SRGAP3: variants seen among roughly 807,000 people sequenced by gnomAD.
SRGAP3 encodes SLIT-ROBO Rho GTPase activating protein 3, also known as SLIT-ROBO Rho GTPase-activating protein 3.
SRGAP3 carries 39 observed loss-of-function variants against 121.1 expected under a neutral mutation model. The observed-to-expected ratio is 0.32, with a 90% CI of 0.25 to 0.42. The LOEUF is 0.42. SRGAP3 is among the 10% of genes least tolerant of loss of function. SRGAP3 has a pLI of 1.00. For missense variants in SRGAP3, 1,213 were observed against 1,470.6 expected, an observed-to-expected ratio of 0.82 and a Z score of 2.86; for synonymous variants, 601 against 570.0, an observed-to-expected ratio of 1.05 and a Z score of -0.77.
chr3:9,362,154 G>A (rs2030895482), intron 1 of SRGAP3, among the ~76,000 whole-genome samples: 1 of 144,996 alleles, frequency 6.9e-6, no homozygotes, highest in Non-Finnish European at 1.5e-5. Flanking sequence ...TACCATGCAG[G>A]TTCAACTCTT....
chr3:9,105,612 C>T (rs1447060304), intron 2 of SRGAP3, among the ~76,000 whole-genome samples: 2 of 152,176 alleles, frequency 1.3e-5, no homozygotes, highest in African/African-American at 4.8e-5. Flanking sequence ...GAGTCACACA[C>T]TCTGGGGGTG....
At chr3:9,348,882 A>G in intron 1 of SRGAP3, 1 of 1,145,640 alleles carries the variant, frequency 8.7e-7, no homozygotes, top group Non-Finnish European at 1.3e-6. Context: ...ACTGAAGATC[A>G]GCTACCCTCC....
chr3:9,232,385 T>C (rs1185349353), intron 1 of SRGAP3, among the ~76,000 whole-genome samples: 1 of 152,054 alleles, frequency 6.6e-6, no homozygotes. Flanking sequence ...TTCTTTCCCC[T>C]GTCCCCTGAC....
At chr3:9,247,584 C>G (rs767810971) in intron 1 of SRGAP3, among the ~76,000 whole-genome samples, 1 of 152,186 alleles carries the variant, frequency 6.6e-6, no homozygotes, top group Non-Finnish European at 1.5e-5. Context: ...TTTAAGGAGG[C>G]CACCCAGCTC....
chr3:9,143,464 T>C (rs748155412), intron 1 of SRGAP3, among the ~76,000 whole-genome samples: 4 of 152,252 alleles, frequency 2.6e-5, no homozygotes, highest in East Asian at 1.9e-4. Context: ...CTGATGTAGA[T>C]TGGCTTATCA....
chr3:9,305,124 G>A (rs1229889702), intron 3 of SRGAP3, among the ~76,000 whole-genome samples: 1 of 152,190 alleles, frequency 6.6e-6, no homozygotes, highest in Non-Finnish European at 1.5e-5. Context: ...GAAGGATAAA[G>A]GAGTGAGGGA....
intron 1 of SRGAP3, among the ~76,000 whole-genome samples, chr3:9,175,934 TC>T (rs1344122691): frequency 6.6e-6 from 1 of 152,144 alleles, no homozygotes. Flanking sequence ...ATTCTTTTTT[TC>T]TTTTGATATG....
At chr3:9,267,466 G>T (rs1954387998) in intron 3 of SRGAP3, among the ~76,000 whole-genome samples, 1 of 152,146 alleles carries the variant, frequency 6.6e-6, no homozygotes, top group Non-Finnish European at 1.5e-5. Flanking sequence ...ATGCCGTGGG[G>T]GCAGCTGGGG....
chr3:9,053,159 A>G lies in SRGAP3; in HGVS notation c.1191T>C (p.Asp397=). ...GACTGTGTTGGAAGGCATCGGAGAC[A>G]TCAAAGTCCTCCACAGTCAGCATGT... ...LQDMLTVEDF[D]VSDAFQHSRS... is the part of the protein sequence containing the mutation. Residue 397 remains aspartate, a synonymous_variant, in exon 9 of 22, where the codon GAT becomes GAC. Transcript: ENST00000383836. The G allele has an allele frequency of 1.2e-6, 2 of 1,614,206 alleles. No homozygotes were observed. Among genetic ancestry groups the G allele is most frequent in the Non-Finnish European group, 1.7e-6 (2 of 1,180,028 alleles).
intron 1 of SRGAP3, among the ~76,000 whole-genome samples, chr3:9,342,968 C>A (rs575089222): frequency 6.6e-6 from 1 of 152,220 alleles, no homozygotes; most frequent in Non-Finnish European, 1.5e-5. Context: ...CCAGACTAGC[C>A]CATTCTGGGC....
intron 18 of SRGAP3, among the ~76,000 whole-genome samples, chr3:8,999,560 C>T (rs998220545): frequency 1.3e-5 from 2 of 152,186 alleles, no homozygotes; most frequent in Admixed American, 1.3e-4. Flanking sequence ...CCTACTTCAT[C>T]CCCAGAAGTG....
intron 8 of SRGAP3, among the ~76,000 whole-genome samples, chr3:9,055,738 G>A (rs1030456557): frequency 5.9e-5 from 9 of 152,162 alleles, no homozygotes; most frequent in African/African-American, 2.2e-4. Flanking sequence ...TAAACAGAAA[G>A]CACCTATCAC....
At chr3:9,361,737 T>C (rs111731347) in intron 1 of SRGAP3, among the ~76,000 whole-genome samples, 87 of 152,296 alleles carry the variant, frequency 5.7e-4, no homozygotes, top group Middle Eastern at 6.8e-3. Context: ...AGCCTGATGC[T>C]GACCCTCCCA....
intron 1 of SRGAP3, among the ~76,000 whole-genome samples, chr3:9,236,523 C>T (rs1180211153): frequency 6.6e-6 from 1 of 152,096 alleles, no homozygotes; most frequent in Non-Finnish European, 1.5e-5. Context: ...TGGTGCTGTT[C>T]TCATGATGGT....
chr3:9,341,032 G>T (rs1350940960), intron 1 of SRGAP3, among the ~76,000 whole-genome samples: 1 of 152,218 alleles, frequency 6.6e-6, no homozygotes, highest in African/African-American at 2.4e-5. Flanking sequence ...CTCGCAGAAA[G>T]TGTCCTCACA....
Position 9,166,900 on chromosome 3 carries a change from C to A in SRGAP3, c.68-41983G>T, listed in dbSNP as rs186582283. 3.0e-3 allele frequency among the ~76,000 whole-genome samples: 458 copies of A among 152,276 alleles called. 10 individuals are homozygous for A. The highest frequency in any genetic ancestry group is 7.4e-4 in the Non-Finnish European group (50 of 68,018). Reference sequence around the variant, plus strand: ...ATTCCATCCCTTCTTAGAACTTACTCATATGGCCCCACCCTGACCTTGTCA... The same window carrying A: ...ATTCCATCCCTTCTTAGAACTTACTAATATGGCCCCACCCTGACCTTGTCA... On this transcript the variant is annotated intron_variant, in intron 1 of 21. Transcript: ENST00000383836.
chr3:9,028,967 T>C (rs1252012263), intron 12 of SRGAP3, among the ~76,000 whole-genome samples: 2 of 152,148 alleles, frequency 1.3e-5, no homozygotes, highest in Admixed American at 6.5e-5. Context: ...TTTCCACCTG[T>C]GCAGCAGGTC....
Position 9,347,478 on chromosome 3 carries a change from T to G in SRGAP3, n.214+15362A>C, listed in dbSNP as rs1955911119. Among the ~76,000 whole-genome samples the G allele has an allele frequency of 1.3e-5, 2 of 152,232 alleles. 1 individual carries two copies. The highest frequency in any genetic ancestry group is 4.1e-4 in the South Asian group (2 of 4,836). ...TAAATATCAGCAGGGCTACGAGGTC[T>G]GAGCTACCGATGAGCCTAATCTAAG... On this transcript the variant is annotated intron_variant and non_coding_transcript_variant, in intron 1 of 3. Coordinates refer to the SRGAP3 transcript ENST00000490889.
At chr3:9,206,645 C>A (rs576391754) in intron 1 of SRGAP3, among the ~76,000 whole-genome samples, 21 of 152,256 alleles carry the variant, frequency 1.4e-4, no homozygotes, top group Non-Finnish European at 4.4e-5. Context: ...GTTTCTCCCA[C>A]CTGCAAAACA....
Sources: gnomAD v4.1 joint callset for allele counts (sites outside exome capture counted in the v4.1 genomes callset) on GRCh38, gnomAD v4.1.1 for gene constraint, MANE v1.5 for transcripts, NCBI Gene and HGNC (gene_info 2026-07-23, HGNC 2026-07-21) for gene names.